Variants in PTPRD observed in about 807,000 individuals in gnomAD.
PTPRD encodes the protein protein tyrosine phosphatase receptor type D, also known as receptor-type tyrosine-protein phosphatase delta.
Under a neutral mutation model 214.5 loss-of-function variants are expected in PTPRD, and 34 were observed. That is an observed-to-expected ratio of 0.16 (90% CI 0.12 to 0.21). PTPRD has a LOEUF of 0.21. Among genes scored for constraint, PTPRD ranks in the 10% least tolerant of loss-of-function variants. The pLI, the probability that PTPRD is intolerant of heterozygous loss-of-function variation, is 1.00. For synonymous variants in PTPRD, 1,128 were observed against 845.7 expected (o/e 1.33, Z -5.79); for missense variants, 2,545 against 2,398.7 (o/e 1.06, Z -1.27).
intron 9 of PTPRD, among the ~76,000 whole-genome samples, chr9:9,287,654 A>G (rs1949935147): frequency 6.6e-6 from 1 of 151,960 alleles, no homozygotes; most frequent in African/African-American, 2.4e-5. Flanking sequence ...GGTTAACTAA[A>G]GGTCCTACTG....
At chr9:8,975,811 T>C (rs12337459) in intron 11 of PTPRD, among the ~76,000 whole-genome samples, 8,370 of 151,526 alleles carry the variant, frequency 0.055, 336 homozygotes, top group Non-Finnish European at 0.09. Flanking sequence ...TTTGTATATA[T>C]ATATACACAT....
chr9:9,522,807 G>C (rs561795459), intron 8 of PTPRD, among the ~76,000 whole-genome samples: 6 of 152,292 alleles, frequency 3.9e-5, no homozygotes, highest in African/African-American at 1.4e-4. Flanking sequence ...GAAACAACTA[G>C]AGTGAGCAGC....
chr9:9,923,578 T>C (rs2083283728), intron 5 of PTPRD, among the ~76,000 whole-genome samples: 2 of 151,826 alleles, frequency 1.3e-5, no homozygotes, highest in Non-Finnish European at 2.9e-5. Flanking sequence ...AGAAAAAGCA[T>C]ACAACAAAAC....
chr9:8,324,251 G>T (rs774713476), intron 44 of PTPRD, among the ~76,000 whole-genome samples: 15 of 151,938 alleles, frequency 9.9e-5, no homozygotes, highest in Non-Finnish European at 2.2e-4. Context: ...CCCTCCCCCA[G>T]GCCCCCACCC....
At chr9:9,041,321 G>C (rs1400802549) in intron 10 of PTPRD, among the ~76,000 whole-genome samples, 4 of 152,032 alleles carry the variant, frequency 2.6e-5, no homozygotes, top group African/African-American at 7.2e-5. Context: ...CAGGTATTAA[G>C]CCTAGTACCC....
intron 12 of PTPRD, among the ~76,000 whole-genome samples, chr9:8,690,107 TA>T (rs74902579): frequency 0.27 from 35,016 of 130,964 alleles, 4,554 homozygotes; most frequent in African/African-American, 0.38. Flanking sequence ...GACTCCATCT[TA>T]AAAAAAAAAA....
chr9:10,529,633 G>C (rs1439486304), intron 2 of PTPRD, among the ~76,000 whole-genome samples: 1 of 151,274 alleles, frequency 6.6e-6, no homozygotes, highest in Non-Finnish European at 1.5e-5. Context: ...TGGCTTGATG[G>C]GTGCAGCAAA....
intron 10 of PTPRD, among the ~76,000 whole-genome samples, chr9:9,108,628 G>A (rs892359603): frequency 6.6e-6 from 1 of 152,038 alleles, no homozygotes; most frequent in Non-Finnish European, 1.5e-5. Flanking sequence ...AAAAACAGTT[G>A]GAAAGTTATC....
At chr9:8,490,311 G>A (rs1722239231) in intron 27 of PTPRD, among the ~76,000 whole-genome samples, 3 of 152,038 alleles carry the variant, frequency 2.0e-5, no homozygotes, top group Middle Eastern at 3.2e-3. Flanking sequence ...AAATTTCCTA[G>A]GACTTCAGAA....
chr9:10,432,649 C>G (rs2098690759), intron 2 of PTPRD, among the ~76,000 whole-genome samples: 1 of 151,914 alleles, frequency 6.6e-6, no homozygotes. Flanking sequence ...ACAACCTGAT[C>G]ATTGAATATA....
intron 25 of PTPRD, among the ~76,000 whole-genome samples, chr9:8,497,584 C>T (rs559576624): frequency 1.3e-5 from 2 of 152,284 alleles, no homozygotes; most frequent in South Asian, 2.1e-4. Context: ...ATTTTGACTT[C>T]TATCTTAAGT....
chr9:9,006,069 A>T (rs2099463876), intron 11 of PTPRD, among the ~76,000 whole-genome samples: 1 of 152,036 alleles, frequency 6.6e-6, no homozygotes, highest in Non-Finnish European at 1.5e-5. Context: ...TGCATCAATG[A>T]ACCCATAAGA....
intron 5 of PTPRD, chr9:9,799,456 C>T (rs1208785487): frequency 6.6e-6 from 1 of 152,094 alleles, no homozygotes; most frequent in African/African-American, 2.4e-5. Context: ...AAGGCCAGGC[C>T]AAATACTTCT....
intron 14 of PTPRD, among the ~76,000 whole-genome samples, chr9:8,576,875 A>G (rs944519841): frequency 2.0e-5 from 3 of 152,154 alleles, no homozygotes; most frequent in Admixed American, 6.6e-5. Flanking sequence ...TTCAACTGCT[A>G]TTGATGCTAC....
chr9:8,899,749 GC>G (rs1274582459), intron 11 of PTPRD, among the ~76,000 whole-genome samples: 30 of 152,150 alleles, frequency 2.0e-4, no homozygotes, highest in African/African-American at 6.3e-4. Flanking sequence ...GCTAAATTTC[GC>G]CCAGATGCTA....
intron 3 of PTPRD, among the ~76,000 whole-genome samples, chr9:10,062,504 G>A (rs2097792740): frequency 6.6e-6 from 1 of 152,016 alleles, no homozygotes; most frequent in East Asian, 1.9e-4. Context: ...TATTTGGTAG[G>A]CTGAGGCAGG....
chr9:8,562,072 T>C (rs1377360184), intron 14 of PTPRD, among the ~76,000 whole-genome samples: 1 of 152,180 alleles, frequency 6.6e-6, no homozygotes, highest in Non-Finnish European at 1.5e-5. Flanking sequence ...CAAATGTAAC[T>C]GATACATTTG....
chr9:10,359,009 T>C (rs895197516), intron 2 of PTPRD, among the ~76,000 whole-genome samples: 3 of 152,064 alleles, frequency 2.0e-5, no homozygotes, highest in East Asian at 3.8e-4. Context: ...TGTGACTGGC[T>C]AAGTTGTTTT....
At chr9:10,535,563 G>A (rs555318005) in intron 2 of PTPRD, among the ~76,000 whole-genome samples, 1 of 152,042 alleles carries the variant, frequency 6.6e-6, no homozygotes, top group African/African-American at 2.4e-5. Flanking sequence ...CCCATAAAAT[G>A]AAATAATCAA....
Sources: gnomAD v4.1 joint callset for allele counts (sites outside exome capture counted in the v4.1 genomes callset) on GRCh38, gnomAD v4.1.1 for gene constraint, MANE v1.5 for transcripts, NCBI Gene and HGNC (gene_info 2026-07-23, HGNC 2026-07-21) for gene names.